Variants in ARNT observed in about 807,000 individuals in gnomAD.
ARNT encodes the protein class E basic helix-loop-helix protein 2.
Under a neutral mutation model 105.0 loss-of-function variants are expected in ARNT, and 30 were observed. The ratio of observed to expected loss-of-function variants is 0.29; its 90% confidence interval spans 0.21 to 0.39. The LOEUF (loss-of-function observed/expected upper bound fraction) is 0.39, where lower values mean the gene tolerates loss of function less well. ARNT is among the 10% of genes least tolerant of loss of function. The pLI is 1.00. For missense variants in ARNT, 748 were observed against 978.7 expected (o/e 0.76, Z 3.15); for synonymous variants, 304 against 344.0 (o/e 0.88, Z 1.29).
chr1:150,868,279 A>C (rs1666924293), intron 1 of ARNT, among the ~76,000 whole-genome samples: 1 of 151,958 alleles, frequency 6.6e-6, no homozygotes, highest in African/African-American at 2.4e-5. Context: ...ACATAGCAAG[A>C]CCCTGTCTCA....
intron 14 of ARNT, among the ~76,000 whole-genome samples, chr1:150,821,502 C>A (rs1481326553): frequency 2.6e-5 from 4 of 152,188 alleles, no homozygotes; most frequent in Non-Finnish European, 5.9e-5. Context: ...TAGGTGGCTA[C>A]CAAATTATTA....
chr1:150,830,938 A>T (rs10305709), intron 10 of ARNT, among the ~76,000 whole-genome samples: 8,975 of 152,214 alleles, frequency 0.059, 899 homozygotes, highest in African/African-American at 0.2. Context: ...AAATTTTTTT[A>T]AATTACATTA....
chr1:150,848,969 C>A (rs761972045), intron 3 of ARNT, among the ~76,000 whole-genome samples: 15 of 152,116 alleles, frequency 9.9e-5, no homozygotes, highest in Middle Eastern at 3.4e-3. Flanking sequence ...TTTGGGAGGC[C>A]GAGGTGGGCG....
At chr1:150,847,653 A>G (rs587765770) in intron 3 of ARNT, among the ~76,000 whole-genome samples, 42 of 152,292 alleles carry the variant, frequency 2.8e-4, no homozygotes, top group African/African-American at 9.9e-4. Flanking sequence ...ACTAGTGGTT[A>G]CCCTCATATC....
intron 8 of ARNT, 29 bp downstream of exon 8, chr1:150,834,509 C>G: frequency 6.2e-7 from 1 of 1,604,830 alleles, no homozygotes; most frequent in Middle Eastern, 1.7e-4. Flanking sequence ...CTTCCTATAC[C>G]AAATCACAAT....
At position 150,833,947 on chromosome 1, in the gene ARNT, T is replaced by C. The variant is rs1267264327; in HGVS notation, c.803+591A>G. 2.0e-5 allele frequency among the ~76,000 whole-genome samples: 3 copies of C among 151,928 alleles called. No individual in the cohort carries two copies. The East Asian group carries it at 5.8e-4, about 29-fold the overall frequency. ...TTTCTTTTTCTTTTTCTTTTTTTTT[T>C]TTTTGAGACAGAGTTTCACTCTTTT... On this transcript the variant is annotated intron_variant, in intron 8 of 21. Transcript: ENST00000358595.
chr1:150,816,457 A>C (rs1245264922), intron 18 of ARNT, 51 bp from the exon 19 acceptor site: 1 of 1,571,842 alleles, frequency 6.4e-7, no homozygotes, highest in Non-Finnish European at 8.6e-7. Context: ...TTTATCACAG[A>C]AGCTAGGAAT....
At position 150,818,034 on chromosome 1, in the gene ARNT, G is replaced by A; in HGVS notation, c.1395-4C>T. ...CCGTGGTTCTTGGCTAGAGTTCCTA[G>A]GAAACCAGAGTAGACAGTAAAGAGG... On this transcript the variant is annotated splice_region_variant and splice_polypyrimidine_tract_variant and intron_variant, in intron 14 of 21. Coordinates refer to ENST00000358595, the MANE Select transcript of ARNT (RefSeq NM_001668.4). The A allele has an allele frequency of 6.3e-7, 1 of 1,598,696 alleles. No homozygotes were observed. The highest frequency in any genetic ancestry group is 8.5e-7 in the Non-Finnish European group (1 of 1,169,716).
At chr1:150,861,047 C>T (rs1665540242) in intron 1 of ARNT, among the ~76,000 whole-genome samples, 1 of 151,974 alleles carries the variant, frequency 6.6e-6, no homozygotes, top group Non-Finnish European at 1.5e-5. Context: ...AAATCAAAAC[C>T]ACAATGAGAA....
At chr1:150,821,548 G>A (rs1211622345) in intron 14 of ARNT, among the ~76,000 whole-genome samples, 6 of 152,158 alleles carry the variant, frequency 3.9e-5, no homozygotes, top group Admixed American at 6.5e-5. Flanking sequence ...AACTTTACGC[G>A]GTTATGATTT....
rs745777019 is a variant in ARNT at position 150,813,249 on chromosome 1, G to C, written c.2203C>G (p.His735Asp). The change falls in exon 21 of 22, where the codon CAT becomes GAT. Residue 735 changes from histidine (H) to aspartate (D), a missense_variant. Transcript: ENST00000358595. ...VWPQWQGQQP[H>D]HRSSSSEQHV... ...TGCTCACTAGAACTTGAACGATGAT[G>C]AGGCTGCTGGCCCTGCCACTGTGGC... is the stretch of plus-strand genomic sequence containing the variant. 27 of 1,613,966 alleles carry C rather than the reference G, an allele frequency of 1.7e-5. No homozygotes were observed. In the East Asian group the frequency reaches 5.8e-4, roughly 35 times the overall value.
At chr1:150,864,777 T>A (rs868011434) in intron 1 of ARNT, among the ~76,000 whole-genome samples, 4,883 of 123,414 alleles carry the variant, frequency 0.04, 122 homozygotes, top group Non-Finnish European at 0.05. Context: ...AATAAATAAA[T>A]AAATAAATAA....
At chr1:150,839,277 C>G in intron 6 of ARNT, 164 bp downstream of exon 6, 1 of 654,910 alleles carries the variant, frequency 1.5e-6, no homozygotes, top group Non-Finnish European at 2.6e-6. Flanking sequence ...CTCTTCTCTA[C>G]TTCTCATTGT....
chr1:150,865,989 T>G (rs1048203983), intron 1 of ARNT, among the ~76,000 whole-genome samples: 5 of 151,930 alleles, frequency 3.3e-5, no homozygotes, highest in African/African-American at 7.2e-5. Flanking sequence ...AAAGTTTTTT[T>G]TTTTTTTTTT....
chr1:150,859,085 T>A (rs58304714), intron 1 of ARNT, among the ~76,000 whole-genome samples: 52,132 of 151,464 alleles, frequency 0.34, 9,272 homozygotes, highest in South Asian at 0.53. Flanking sequence ...ATACTAATTT[T>A]AAAAAAATAC....
At chr1:150,876,500 G>A (rs1230746765) in intron 1 of ARNT, 43 bp downstream of exon 1, 28 of 1,545,948 alleles carry the variant, frequency 1.8e-5, no homozygotes, top group Non-Finnish European at 2.4e-5. Flanking sequence ...CAGCCCCTTC[G>A]GCCCCTCCCC....
Position 150,847,484 on chromosome 1 carries a change from C to T in ARNT, c.183-1177G>A, listed in dbSNP as rs1288514559. Reference sequence around the variant, plus strand: ...GGAATTCGGCAGTGCTTTTCTCAGGCACAACAACCCGACTTGGTAAGATAA... The same window carrying T: ...GGAATTCGGCAGTGCTTTTCTCAGGTACAACAACCCGACTTGGTAAGATAA... On this transcript the variant is annotated intron_variant, in intron 3 of 21. Transcript: ENST00000358595. 2.7e-5 allele frequency among the ~76,000 whole-genome samples: 4 copies of T among 150,068 alleles called. No homozygotes were observed. In the East Asian group the frequency reaches 7.8e-4, roughly 29 times the overall value.
At position 150,822,947 on chromosome 1, in the gene ARNT, C is replaced by T. The variant is rs761767050; in HGVS notation, c.1394+247G>A. 8.5e-5 allele frequency among the ~76,000 whole-genome samples: 13 copies of T among 152,110 alleles called. 1 individual carries two copies. Among genetic ancestry groups the T allele is most frequent in the Non-Finnish European group, 1.5e-4 (10 of 68,014 alleles). On this transcript the variant is annotated intron_variant, in intron 14 of 21. Transcript: ENST00000358595. ...TTTTTCTTTTTTTGAAATGGAGTCT[C>T]GCTCTGTAGCCCAGGCTGGAGTGCA...
rs1224148651 is a variant in ARNT at position 150,836,342 on chromosome 1, A to G, written c.638T>C (p.Val213Ala). Residue 213 changes from valine (V) to alanine (A), a missense_variant, in exon 7 of 22, where the codon GTG becomes GCG. Physicochemically the swap from Val to Ala is moderately conservative, Grantham distance 64. This residue lies in a region of ARNT where 291 missense variants were observed against 444.6 expected (regional missense o/e 0.65). Transcript: ENST00000358595. ...AAGTTTATCCACATCATCTGGGTGC[A>G]CCTGATCATAGAGTGTGCTGCCAAA... is the stretch of plus-strand genomic sequence containing the variant. The part of the protein sequence containing the change: ...EWFGSTLYDQ[V>A]HPDDVDKLRE... 6 of 1,614,140 alleles carry G rather than the reference A, an allele frequency of 3.7e-6. No individual in the cohort carries two copies. The highest frequency in any genetic ancestry group is 5.1e-6 in the Non-Finnish European group (6 of 1,180,024).
Sources: gnomAD v4.1 joint callset for allele counts (sites outside exome capture counted in the v4.1 genomes callset) on GRCh38, gnomAD v4.1.1 for gene constraint, gnomAD v4.1.1 regional missense constraint, MANE v1.5 for transcripts, NCBI Gene and HGNC (gene_info 2026-07-23, HGNC 2026-07-21) for gene names.